The following SCP2 variants were observed in gnomAD, a reference collection of about 807,000 sequenced individuals.
The protein encoded by SCP2 is sterol carrier protein 2, also known as SCP-2/3-oxoacyl-CoA thiolase.
A neutral mutation model predicts 71.4 loss-of-function variants in SCP2; 48 were observed. That is an observed-to-expected ratio of 0.67 (90% CI 0.53 to 0.86). The LOEUF is 0.86. Among genes scored for constraint, SCP2 ranks in the 40% least tolerant of loss-of-function variants. The pLI is 0.00. For synonymous variants in SCP2, 220 were observed against 218.1 expected, an observed-to-expected ratio of 1.01 and a Z score of -0.08; for missense variants, 560 against 655.6, an observed-to-expected ratio of 0.85 and a Z score of 1.59.
intron 13 of SCP2, among the ~76,000 whole-genome samples, chr1:53,038,259 C>T (rs558446184): frequency 0.098 from 14,816 of 151,390 alleles, 1,427 homozygotes; most frequent in African/African-American, 0.21. Flanking sequence ...TGTGTACACA[C>T]ACACACACGG....
At chr1:53,013,879 A>G (rs1431236952) in intron 11 of SCP2, among the ~76,000 whole-genome samples, 2 of 101,964 alleles carry the variant, frequency 2.0e-5, no homozygotes, top group Non-Finnish European at 4.0e-5. Flanking sequence ...CTGATAGAAC[A>G]TTCTTTTTTT....
intron 12 of SCP2, among the ~76,000 whole-genome samples, chr1:53,021,029 A>G (rs374553870): frequency 1.3e-5 from 2 of 151,850 alleles, no homozygotes; most frequent in Admixed American, 6.6e-5. Context: ...TTTTTTAGAC[A>G]GAGTCTCACT....
intron 4 of SCP2, among the ~76,000 whole-genome samples, chr1:52,951,578 A>T (rs1465849824): frequency 1.3e-5 from 2 of 150,566 alleles, no homozygotes; most frequent in Non-Finnish European, 2.9e-5. Flanking sequence ...AAAAAAAAAA[A>T]ATTAATTAAG....
Position 52,980,457 on chromosome 1 carries a change from C to G in SCP2, c.887C>G (p.Pro296Arg). 3 of 1,613,906 alleles carry G rather than the reference C, an allele frequency of 1.9e-6. No homozygotes were observed. The South Asian group carries it at 3.3e-5, about 18-fold the overall frequency. ...RKCYEKSGLT[P>R]NDIDVIELHD... ...TGCTATGAGAAATCTGGCCTGACAC[C>G]AAATGATATTGACGTAATAGAACTT... Residue 296 changes from proline to arginine, a missense_variant, in exon 10 of 16, where the codon CCA becomes CGA. Pro to Arg is a moderately radical substitution (Grantham distance 103). Around this residue, in one of 3 missense-constraint regions of SCP2, gnomAD observed 513 missense variants for 573.1 expected, o/e 0.90. Coordinates refer to ENST00000371514, the MANE Select transcript of SCP2 (RefSeq NM_002979.5).
intron 10 of SCP2, 99 bp downstream of exon 10, chr1:52,980,642 A>G: frequency 8.2e-7 from 1 of 1,223,136 alleles, no homozygotes; most frequent in Non-Finnish European, 1.2e-6. Flanking sequence ...CTTTTCCCTT[A>G]ACGTTGGCTC....
intron 3 of SCP2, among the ~76,000 whole-genome samples, chr1:52,950,003 T>G (rs1655147706): frequency 6.6e-6 from 1 of 152,218 alleles, no homozygotes; most frequent in South Asian, 2.1e-4. Flanking sequence ...GATCATGTTT[T>G]CCTGGAATGC....
At chr1:53,006,628 A>T (rs1457636168) in intron 11 of SCP2, among the ~76,000 whole-genome samples, 1 of 152,244 alleles carries the variant, frequency 6.6e-6, no homozygotes, top group Non-Finnish European at 1.5e-5. Context: ...TCCTGAAGGA[A>T]GTACTAAACA....
chr1:53,042,457 C>T (rs1663506553), intron 14 of SCP2, among the ~76,000 whole-genome samples: 1 of 152,000 alleles, frequency 6.6e-6, no homozygotes, highest in Non-Finnish European at 1.5e-5. Context: ...AGCTGTGTTC[C>T]CTCCAGATAC....
intron 4 of SCP2, 31 bp downstream of exon 4, chr1:52,950,917 A>G (rs769589010): frequency 1.9e-6 from 3 of 1,605,586 alleles, no homozygotes; most frequent in East Asian, 2.2e-5. Flanking sequence ...GTACTTAAAT[A>G]TTGCCCCATT....
At chr1:52,981,359 C>A (rs191165274) in intron 10 of SCP2, among the ~76,000 whole-genome samples, 1 of 152,056 alleles carries the variant, frequency 6.6e-6, no homozygotes, top group African/African-American at 2.4e-5. Flanking sequence ...TCCAAATTGA[C>A]GTGTGCTGTA....
At chr1:52,967,865 A>G (rs190713437) in intron 6 of SCP2, among the ~76,000 whole-genome samples, 3 of 152,174 alleles carry the variant, frequency 2.0e-5, no homozygotes, top group South Asian at 2.1e-4. Context: ...CACAAGGAAC[A>G]CTGTGCTTGG....
chr1:52,952,831 A>T (rs1373211266), intron 4 of SCP2, among the ~76,000 whole-genome samples: 2 of 151,590 alleles, frequency 1.3e-5, no homozygotes, highest in South Asian at 2.1e-4. Flanking sequence ...ATATATATAT[A>T]TTTTCTGTGG....
intron 5 of SCP2, among the ~76,000 whole-genome samples, chr1:52,956,748 G>T (rs1267465199): frequency 1.3e-5 from 2 of 152,040 alleles, no homozygotes; most frequent in African/African-American, 4.8e-5. Context: ...TAATGTTTAT[G>T]ATACATGAAA....
At position 52,978,295 on chromosome 1, in the gene SCP2, T is replaced by A; in HGVS notation, c.753T>A (p.Ala251=). The A allele has an allele frequency of 6.2e-7, 1 of 1,614,166 alleles. No individual in the cohort carries two copies. The change falls in exon 9 of 16, where the codon GCT becomes GCA. Residue 251 remains alanine, a synonymous_variant. Transcript: ENST00000371514. ...FVQKYGLQSK[A]VEILAQEMMT... is the part of the protein sequence containing the mutation. Reference sequence around the variant, plus strand: ...AGAAGTATGGCCTGCAATCCAAAGCTGTGGAAATTTTGGCACAAGAAATGA... The same window carrying A: ...AGAAGTATGGCCTGCAATCCAAAGCAGTGGAAATTTTGGCACAAGAAATGA...
chr1:52,960,633 T>C (rs1043492719), intron 5 of SCP2, among the ~76,000 whole-genome samples: 3 of 143,146 alleles, frequency 2.1e-5, no homozygotes, highest in Admixed American at 6.9e-5. Context: ...TATGTATATA[T>C]GTGTATATAT....
chr1:53,027,927 A>T, intron 12 of SCP2, 42 bp from the exon 13 acceptor site: 1 of 1,063,284 alleles, frequency 9.4e-7, no homozygotes, highest in Non-Finnish European at 1.5e-6. Flanking sequence ...AAAACCTAGT[A>T]CCTATGTGAC....
At chr1:52,961,126 G>A (rs1323318655) in intron 5 of SCP2, among the ~76,000 whole-genome samples, 1 of 138,408 alleles carries the variant, frequency 7.2e-6, no homozygotes, top group Non-Finnish European at 1.5e-5. Flanking sequence ...TGTGCACAAC[G>A]TGCAGGTTTG....
intron 13 of SCP2, among the ~76,000 whole-genome samples, chr1:53,033,621 A>G (rs1372961172): frequency 6.6e-6 from 1 of 151,714 alleles, no homozygotes; most frequent in African/African-American, 2.4e-5. Context: ...AAAAAAAAAA[A>G]AAAAGGTTGA....
At position 53,028,065 on chromosome 1, in the gene SCP2, T is replaced by G. The variant is rs1355647413; in HGVS notation, c.1332T>G (p.Leu444=). 1 of 1,566,252 alleles carries G rather than the reference T, an allele frequency of 6.4e-7. No individual in the cohort carries two copies. The highest frequency in any genetic ancestry group is 8.8e-7 in the Non-Finnish European group (1 of 1,136,852). The stretch of plus-strand genomic sequence containing the variant: ...TTTTTAAGGAGATTGAGAAGAAACT[T>G]GAAGAGGTAAGATTTATGTAAAATA... ...NLVFKEIEKK[L]EEEGEQFVKK... is the part of the protein sequence containing the mutation. Residue 444 remains leucine, a synonymous_variant, in exon 13 of 16, where the codon CTT becomes CTG. Coordinates refer to ENST00000371514, the MANE Select transcript of SCP2 (RefSeq NM_002979.5).
Sources: gnomAD v4.1 joint callset for allele counts (sites outside exome capture counted in the v4.1 genomes callset) on GRCh38, gnomAD v4.1.1 for gene constraint, gnomAD v4.1.1 regional missense constraint, MANE v1.5 for transcripts, NCBI Gene and HGNC (gene_info 2026-07-23, HGNC 2026-07-21) for gene names.